WDR45: variants seen among roughly 807,000 people sequenced by gnomAD.
WDR45 encodes the protein WD repeat domain 45.
In WDR45, 2 loss-of-function variants were observed where a neutral mutation model predicts 27.3. The observed-to-expected ratio is 0.07, with a 90% CI of 0.03 to 0.23. The LOEUF is 0.23. WDR45 is among the 10% of genes least tolerant of loss of function. The pLI, the probability that WDR45 is intolerant of heterozygous loss-of-function variation, is 1.00. For missense variants in WDR45, 175 were observed against 311.9 expected (o/e 0.56, Z 3.31); for synonymous variants, 99 against 119.2 (o/e 0.83, Z 1.11).
At chrX:49,096,515 G>A (rs1464701126) in intron 2 of WDR45, among the ~76,000 whole-genome samples, 1 of 112,645 alleles carries the variant, frequency 8.9e-6, no homozygotes, top group Non-Finnish European at 1.9e-5. Context: ...ATAGGCGTGA[G>A]CCACTGCACC....
intron 2 of WDR45, among the ~76,000 whole-genome samples, chrX:49,094,311 T>C (rs2065117542): frequency 1.8e-5 from 2 of 110,519 alleles, no homozygotes; most frequent in African/African-American, 6.6e-5. Context: ...TTTACTAAAA[T>C]TGCAAAAATT....
intron 1 of WDR45, among the ~76,000 whole-genome samples, chrX:49,078,535 A>G (rs2065051063): frequency 1.8e-5 from 2 of 111,596 alleles, no homozygotes; most frequent in Admixed American, 1.9e-4. Flanking sequence ...GGGAAGAAAA[A>G]GATAAAAACA....
rs55675942 is a variant in WDR45 at position 49,099,780 on chromosome X, CAAA to C, written c.-18+422_-18+424del. Among the ~76,000 whole-genome samples the C allele has an allele frequency of 2.1e-3, 181 of 87,273 alleles. 10 individuals carry two copies. The highest frequency in any genetic ancestry group is 9.2e-3 in the South Asian group (18 of 1,966). 75.8% of individuals were successfully genotyped at this position (87,273 alleles called of 115,157 possible). A position where few individuals can be genotyped will look rare whatever the true frequency, so the allele number is the denominator to read the frequency against. ...TGGGCGACAGAGCGAGACTATGTCT[CAAA>C]AAAAAAAAAACAAAAAAAAACAAAA... On this transcript the variant is annotated intron_variant, in intron 2 of 11. Coordinates refer to the WDR45 transcript ENST00000356463.
chrX:49,084,405 A>G (rs2065079488), upstream of WDR45, among the ~76,000 whole-genome samples: 1 of 106,518 alleles, frequency 9.4e-6, no homozygotes, highest in Non-Finnish European at 1.9e-5. Context: ...AAAAGTTATC[A>G]TGGGCTGGGC....
At chrX:49,097,098 A>T (rs1305619356) in intron 2 of WDR45, among the ~76,000 whole-genome samples, 1 of 90,381 alleles carries the variant, frequency 1.1e-5, no homozygotes, top group African/African-American at 3.4e-5. Flanking sequence ...AGCTATATAC[A>T]TTGAAGCACT....
intron 2 of WDR45, among the ~76,000 whole-genome samples, chrX:49,091,713 C>T (rs1557086663): frequency 1.4e-5 from 1 of 70,796 alleles, no homozygotes; most frequent in African/African-American, 5.5e-5. Context: ...TGCGCCACTG[C>T]AGTCCGCAGT....
chrX:49,100,403 T>G (rs1342839142), exon 2 of WDR45: 1 of 109,298 alleles, frequency 9.1e-6, no homozygotes, highest in Non-Finnish European at 1.9e-5. Context: ...CCCGGCTGAT[T>G]TTTTGTATTT....
intron 2 of WDR45, among the ~76,000 whole-genome samples, chrX:49,092,419 T>G (rs1409786902): frequency 2.7e-5 from 3 of 110,011 alleles, no homozygotes; most frequent in African/African-American, 9.9e-5. Flanking sequence ...TTTTTTAACT[T>G]GCCCTGCCCC....
chrX:49,076,558 G>C, intron 5 of WDR45, 34 bp from the exon 6 acceptor site: 1 of 1,206,402 alleles, frequency 8.3e-7, no homozygotes, highest in Non-Finnish European at 1.1e-6. Flanking sequence ...ATGGCCGTGA[G>C]GGGGTGGCGG....
At chrX:49,092,611 T>C (rs1334399669) in intron 2 of WDR45, among the ~76,000 whole-genome samples, 1 of 111,908 alleles carries the variant, frequency 8.9e-6, no homozygotes, top group Non-Finnish European at 1.9e-5. Context: ...TTGTCTGATA[T>C]CACCTAAATC....
At chrX:49,082,161 A>T (rs1164968309), upstream of WDR45, 1 of 110,513 alleles carries the variant, frequency 9.0e-6, no homozygotes, top group African/African-American at 3.3e-5. Flanking sequence ...ACAGTCTATG[A>T]AGACTGAATA....
chrX:49,084,053 C>CTTTTTTTTTTT (rs1173932347), upstream of WDR45, among the ~76,000 whole-genome samples: 1 of 74,901 alleles, frequency 1.3e-5, no homozygotes. Flanking sequence ...TTTCTTTTTT[C>CTTTTTTTTTTT]TTTTTTTTTT....
Position 49,075,138 on chromosome X carries a change from A to G in WDR45, c.971T>C (p.Ile324Thr), listed in dbSNP as rs782375597. 2 of 1,210,692 alleles carry G rather than the reference A, an allele frequency of 1.7e-6. No homozygotes were observed. The highest frequency in any genetic ancestry group is 3.5e-5 in the South Asian group (2 of 56,961). Residue 324 changes from isoleucine (I) to threonine (T), a missense_variant and splice_region_variant, in exon 10 of 11, where the codon ATT (isoleucine) becomes ACT (threonine). Ile to Thr is a moderately conservative substitution (Grantham distance 89). Coordinates refer to ENST00000376372, the MANE Select transcript of WDR45 (RefSeq NM_001029896.2). Reference sequence around the variant, plus strand: ...ACCAAGGGGCTGTTCCCACTCACCAATGACAGAGTTGACGTTCTTGGAAGT... The same window carrying G: ...ACCAAGGGGCTGTTCCCACTCACCAGTGACAGAGTTGACGTTCTTGGAAGT... ...RNTSKNVNSV[I>T]AICVDGTFHK...
chrX:49,084,206 C>T (rs1210831698), upstream of WDR45, among the ~76,000 whole-genome samples: 1 of 105,129 alleles, frequency 9.5e-6, no homozygotes, highest in East Asian at 3.1e-4. Flanking sequence ...CCCACCACCA[C>T]ACTCAGCTAA....
intron 2 of WDR45, among the ~76,000 whole-genome samples, chrX:49,091,520 CG>C (rs782730623): frequency 9.6e-6 from 1 of 103,828 alleles, no homozygotes; most frequent in East Asian, 3.1e-4. Context: ...GAGGCCGAGG[CG>C]GGTGGATCAT....
chrX:49,099,793 ACAAAAAAAAAC>A (rs1179501318), intron 2 of WDR45, among the ~76,000 whole-genome samples: 9 of 96,962 alleles, frequency 9.3e-5, no homozygotes, highest in African/African-American at 3.7e-4. Context: ...AAAAAAAAAA[ACAAAAAAAAAC>A]AAAAAAAAAC....
Position 49,076,694 on chromosome X carries a change from C to G in WDR45, c.292G>C (p.Glu98Gln), listed in dbSNP as rs781998959. The change falls in exon 5 of 11, where the codon GAG (glutamate) becomes CAG (glutamine). Residue 98 changes from glutamate (E) to glutamine (Q), a missense_variant. By Grantham distance (29) the Glu-to-Gln change is conservative. Around this residue, in one of 3 missense-constraint regions of WDR45, gnomAD observed 102 missense variants for 165.4 expected, o/e 0.62. Coordinates refer to ENST00000376372, the MANE Select transcript of WDR45 (RefSeq NM_001029896.2). ...GKDSKEKLVLEFTFTKPVLSV... is the reference protein window; with the variant it reads ...GKDSKEKLVLQFTFTKPVLSV... ...AGCACTGGCTTGGTGAAGGTGAACT[C>G]CAGCACCAGCTTCTCCTTGGAGTCC... is the stretch of plus-strand genomic sequence containing the variant. The G allele has an allele frequency of 3.3e-6, 4 of 1,210,674 alleles. No homozygotes were observed. Among genetic ancestry groups the G allele is most frequent in the Non-Finnish European group, 4.5e-6 (4 of 894,875 alleles).
chrX:49,085,219 G>A (rs2065082502), intron 2 of WDR45, among the ~76,000 whole-genome samples: 1 of 111,885 alleles, frequency 8.9e-6, no homozygotes, highest in African/African-American at 3.2e-5. Context: ...TTAGCGGAGT[G>A]CTTATCAACA....
chrX:49,090,601 G>C (rs781850452), intron 2 of WDR45, among the ~76,000 whole-genome samples: 1 of 110,928 alleles, frequency 9.0e-6, no homozygotes, highest in East Asian at 2.8e-4. Flanking sequence ...GCAATGGCAC[G>C]ATCTCAGCTC....
Sources: allele counts gnomAD v4.1 joint callset (sites outside exome capture counted in the v4.1 genomes callset), GRCh38; gene constraint gnomAD v4.1.1; regional missense constraint gnomAD v4.1.1; transcripts MANE v1.5; gene names NCBI Gene and HGNC (gene_info 2026-07-23, HGNC 2026-07-21).